KCNIP1: variants seen among roughly 807,000 people sequenced by gnomAD.
KCNIP1 encodes the protein A-type potassium channel modulatory protein KCNIP1.
Under a neutral mutation model 33.0 loss-of-function variants are expected in KCNIP1, and 18 were observed. The observed-to-expected ratio is 0.55, with a 90% CI of 0.38 to 0.81. KCNIP1 has a LOEUF of 0.81. Among genes scored for constraint, KCNIP1 ranks in the 30% least tolerant of loss-of-function variants. The pLI, the probability that KCNIP1 is intolerant of heterozygous loss-of-function variation, is 0.00. For synonymous variants in KCNIP1, 93 were observed against 98.3 expected (o/e 0.95, Z 0.32); for missense variants, 238 against 271.6 (o/e 0.88, Z 0.87).
chr5:170,531,409 A>T (rs1755784082), intron 1 of KCNIP1, among the ~76,000 whole-genome samples: 1 of 152,166 alleles, frequency 6.6e-6, no homozygotes. Flanking sequence ...GAGGACCACC[A>T]ATGAGGTGGT....
At chr5:170,560,049 G>A (rs944189734) in intron 1 of KCNIP1, among the ~76,000 whole-genome samples, 14 of 152,206 alleles carry the variant, frequency 9.2e-5, no homozygotes, top group African/African-American at 3.4e-4. Context: ...ATGATGTTCA[G>A]TATTATGCTG....
intron 1 of KCNIP1, among the ~76,000 whole-genome samples, chr5:170,523,413 C>T (rs969684327): frequency 2.6e-5 from 4 of 152,188 alleles, no homozygotes; most frequent in Non-Finnish European, 5.9e-5. Flanking sequence ...CTGGAGAATC[C>T]TGGGCTGGTG....
intron 1 of KCNIP1, among the ~76,000 whole-genome samples, chr5:170,528,107 G>A (rs1224916567): frequency 6.6e-6 from 1 of 152,170 alleles, no homozygotes; most frequent in Non-Finnish European, 1.5e-5. Flanking sequence ...GAGCTCAAAT[G>A]AGTTTTGCCT....
At chr5:170,634,995 A>G (rs1313325240) in intron 1 of KCNIP1, among the ~76,000 whole-genome samples, 1 of 152,200 alleles carries the variant, frequency 6.6e-6, no homozygotes, top group African/African-American at 2.4e-5. Flanking sequence ...TCTTGCTTCC[A>G]TATATAAATG....
intron 1 of KCNIP1, among the ~76,000 whole-genome samples, chr5:170,696,873 C>A (rs1488488448): frequency 6.6e-6 from 1 of 152,050 alleles, no homozygotes; most frequent in Non-Finnish European, 1.5e-5. Context: ...TTCCTGCAAG[C>A]AGTGAGGAGC....
intron 1 of KCNIP1, among the ~76,000 whole-genome samples, chr5:170,535,184 G>T (rs1755934616): frequency 6.6e-6 from 1 of 152,116 alleles, no homozygotes. Context: ...CCACTGACAG[G>T]TCAGATTATC....
intron 1 of KCNIP1, chr5:170,385,417 G>C: frequency 1.2e-6 from 2 of 1,614,050 alleles, no homozygotes; most frequent in Non-Finnish European, 1.7e-6. Context: ...GTCTCTCCCC[G>C]CTTCTGGGCC....
intron 1 of KCNIP1, among the ~76,000 whole-genome samples, chr5:170,655,994 G>GA (rs1310352371): frequency 2.0e-5 from 3 of 152,232 alleles, no homozygotes; most frequent in African/African-American, 2.4e-5. Context: ...GGGAGAGCAA[G>GA]AGAGGACAAA....
intron 1 of KCNIP1, among the ~76,000 whole-genome samples, chr5:170,460,982 C>G (rs2113105128): frequency 6.6e-6 from 1 of 152,272 alleles, no homozygotes; most frequent in East Asian, 1.9e-4. Context: ...TTAATGTACA[C>G]AAATCAGTAG....
At chr5:170,464,636 C>G (rs10064433) in intron 1 of KCNIP1, among the ~76,000 whole-genome samples, 1 of 152,152 alleles carries the variant, frequency 6.6e-6, no homozygotes, top group African/African-American at 2.4e-5. Flanking sequence ...TGGGGAATTG[C>G]TTGAGGTCAG....
intron 1 of KCNIP1, chr5:170,422,875 C>T (rs536997679): frequency 6.6e-6 from 1 of 152,298 alleles, no homozygotes; most frequent in East Asian, 1.9e-4. Context: ...TGCTTGAGTC[C>T]AGGACTTAGA....
At chr5:170,562,723 A>G (rs187085338) in intron 1 of KCNIP1, among the ~76,000 whole-genome samples, 2 of 152,308 alleles carry the variant, frequency 1.3e-5, no homozygotes, top group East Asian at 1.9e-4. Context: ...CAAGGGGCAC[A>G]TTTGCATTTC....
chr5:170,417,359 A>G (rs1313311862), intron 1 of KCNIP1, among the ~76,000 whole-genome samples: 1 of 152,236 alleles, frequency 6.6e-6, no homozygotes, highest in African/African-American at 2.4e-5. Flanking sequence ...AAGAAACTCA[A>G]TAAAAGTTAT....
At chr5:170,682,780 G>GTTTTTTTTTTTTTTTTTTTTTTTTTTTT (rs1554111091) in intron 1 of KCNIP1, among the ~76,000 whole-genome samples, 1 of 59,658 alleles carries the variant, frequency 1.7e-5, no homozygotes, top group South Asian at 7.7e-4. Context: ...TATTTTCTTT[G>GTTTTTTTTTTTTTTTTTTTTTTTTTTTT]TTTCTTTTTT....
At chr5:170,480,019 C>G (rs1055836572) in intron 1 of KCNIP1, among the ~76,000 whole-genome samples, 4 of 152,164 alleles carry the variant, frequency 2.6e-5, no homozygotes, top group Admixed American at 2.6e-4. Context: ...ATGTCAGACC[C>G]TTTTAAATGT....
intron 1 of KCNIP1, among the ~76,000 whole-genome samples, chr5:170,535,235 A>C (rs1755936931): frequency 6.6e-6 from 1 of 151,794 alleles, no homozygotes. Flanking sequence ...CGTGTCCTCC[A>C]CTCCCCTAGC....
intron 1 of KCNIP1, among the ~76,000 whole-genome samples, chr5:170,559,137 G>T (rs1054810893): frequency 5.9e-5 from 9 of 152,148 alleles, no homozygotes; most frequent in Non-Finnish European, 8.8e-5. Flanking sequence ...CCTCAAGGCA[G>T]CATCCACCTT....
chr5:170,426,896 A>G lies in KCNIP1; in HGVS notation c.88+72932A>G, dbSNP rs866050709. 5.3e-5 allele frequency among the ~76,000 whole-genome samples: 8 copies of G among 152,264 alleles called. No homozygotes were observed. The Middle Eastern group carries it at 0.01, about 194-fold the overall frequency. On this transcript the variant is annotated intron_variant, in intron 1 of 7. Coordinates refer to the KCNIP1 transcript ENST00000377360. Reference sequence around the variant, plus strand: ...TCAGGGAGGAGAAACCCAGATAAAAACCACCCCATGTGCAGCCTTTGCGTG... The same window carrying G: ...TCAGGGAGGAGAAACCCAGATAAAAGCCACCCCATGTGCAGCCTTTGCGTG...
chr5:170,654,542 A>G (rs982007757), intron 1 of KCNIP1, among the ~76,000 whole-genome samples: 13 of 152,306 alleles, frequency 8.5e-5, no homozygotes, highest in Non-Finnish European at 1.3e-4. Flanking sequence ...CATGAATATT[A>G]ATGTATTTAA....
Sources: allele counts gnomAD v4.1 joint callset (sites outside exome capture counted in the v4.1 genomes callset), GRCh38; gene constraint gnomAD v4.1.1; transcripts MANE v1.5; gene names NCBI Gene and HGNC (gene_info 2026-07-23, HGNC 2026-07-21).